The following SGCG variants were observed in gnomAD, a reference collection of about 807,000 sequenced individuals.
SGCG encodes the protein sarcoglycan gamma.
A neutral mutation model predicts 29.3 loss-of-function variants in SGCG; 26 were observed. That is an observed-to-expected ratio of 0.89 (90% CI 0.65 to 1.23). The LOEUF is 1.23. SGCG is among the 50% of genes most tolerant of loss of function. The pLI, the probability that SGCG is intolerant of heterozygous loss-of-function variation, is 0.00. For missense variants in SGCG, 353 were observed against 356.0 expected (o/e 0.99, Z 0.07); for synonymous variants, 145 against 129.7 (o/e 1.12, Z -0.80).
At chr13:23,186,245 C>G (rs566760715) in intron 1 of SGCG, among the ~76,000 whole-genome samples, 3 of 152,322 alleles carry the variant, frequency 2.0e-5, no homozygotes, top group South Asian at 4.1e-4. Flanking sequence ...GTGGTTCACA[C>G]ATGGCTGAGC....
At chr13:23,290,553 T>G (rs899029016) in intron 5 of SGCG, among the ~76,000 whole-genome samples, 2 of 152,200 alleles carry the variant, frequency 1.3e-5, no homozygotes, top group Admixed American at 6.5e-5. Context: ...GCATTTTTCA[T>G]TGGAGTAATA....
upstream of SGCG, among the ~76,000 whole-genome samples, chr13:23,179,737 C>T (rs976859384): frequency 6.6e-6 from 1 of 152,022 alleles, no homozygotes; most frequent in South Asian, 2.1e-4. Context: ...AGGCCTGCAG[C>T]TGCTGGTATG....
At chr13:23,270,035 G>C (rs898782596) in intron 4 of SGCG, among the ~76,000 whole-genome samples, 3 of 151,562 alleles carry the variant, frequency 2.0e-5, no homozygotes, top group Non-Finnish European at 2.9e-5. Flanking sequence ...CCACCATGCC[G>C]GGCTAATTTT....
intron 1 of SGCG, among the ~76,000 whole-genome samples, chr13:23,187,763 A>G (rs1452178871): frequency 1.3e-5 from 2 of 152,172 alleles, no homozygotes; most frequent in Non-Finnish European, 2.9e-5. Flanking sequence ...GGTGCATCTC[A>G]CAGAGCTCAG....
At chr13:23,258,007 A>T (rs973825392) in intron 4 of SGCG, among the ~76,000 whole-genome samples, 2 of 152,036 alleles carry the variant, frequency 1.3e-5, no homozygotes, top group African/African-American at 4.8e-5. Flanking sequence ...TTCTTTTTGC[A>T]TAGGATTGTC....
chr13:23,255,846 A>T (rs1428085394), intron 4 of SGCG, among the ~76,000 whole-genome samples: 1 of 152,218 alleles, frequency 6.6e-6, no homozygotes, highest in Non-Finnish European at 1.5e-5. Context: ...CAACACAGGA[A>T]CTTAATTTAA....
At chr13:23,269,492 C>A (rs1273471640) in intron 4 of SGCG, among the ~76,000 whole-genome samples, 3 of 152,198 alleles carry the variant, frequency 2.0e-5, no homozygotes, top group Non-Finnish European at 2.9e-5. Context: ...TGCTCACCCA[C>A]ACCCTCTCAG....
intron 1 of SGCG, among the ~76,000 whole-genome samples, chr13:23,202,765 C>T (rs1249132054): frequency 6.6e-6 from 1 of 152,044 alleles, no homozygotes; most frequent in Non-Finnish European, 1.5e-5. Context: ...ATAAGGACAA[C>T]TCCAAATCAC....
the SGCG span, among the ~76,000 whole-genome samples, chr13:23,171,322 C>G: frequency 6.6e-6 from 1 of 152,136 alleles, no homozygotes. Flanking sequence ...TTATTCCCAA[C>G]ATTAATAGGA....
the SGCG span, among the ~76,000 whole-genome samples, chr13:23,175,312 AGAGATTTTATTCTAAGCAG>A: frequency 2.0e-5 from 3 of 152,178 alleles, no homozygotes; most frequent in East Asian, 1.9e-4. Flanking sequence ...GGGGAAAAGA[AGAGATTTTATTCTAAGCAG>A]GAGATTTTAT....
At chr13:23,249,009 A>C (rs1257795077) in intron 3 of SGCG, among the ~76,000 whole-genome samples, 2 of 149,100 alleles carry the variant, frequency 1.3e-5, no homozygotes, top group South Asian at 4.5e-4. Context: ...AAAAAAAAAA[A>C]AAACAAACCT....
chr13:23,260,780 G>A (rs758147877), intron 4 of SGCG, among the ~76,000 whole-genome samples: 1 of 151,792 alleles, frequency 6.6e-6, no homozygotes, highest in Non-Finnish European at 1.5e-5. Flanking sequence ...ATCTGTACAG[G>A]ATTTTATTTC....
chr13:23,235,112 T>C (rs534920996), intron 3 of SGCG, among the ~76,000 whole-genome samples: 1 of 152,342 alleles, frequency 6.6e-6, no homozygotes, highest in Non-Finnish European at 1.5e-5. Context: ...CTCACGCCTG[T>C]AATCCCAGCA....
intron 6 of SGCG, among the ~76,000 whole-genome samples, chr13:23,310,426 C>T (rs1292047922): frequency 1.3e-5 from 2 of 152,152 alleles, no homozygotes; most frequent in East Asian, 3.9e-4. Context: ...TACCCTTTTG[C>T]CCTTATTTTG....
At chr13:23,198,715 G>C (rs794500) in intron 1 of SGCG, among the ~76,000 whole-genome samples, 1 of 151,340 alleles carries the variant, frequency 6.6e-6, no homozygotes, top group Non-Finnish European at 1.5e-5. Context: ...ATGTGGTGGC[G>C]CACACCTGTA....
At chr13:23,300,882 G>A (rs1024171167) in intron 6 of SGCG, among the ~76,000 whole-genome samples, 9 of 150,698 alleles carry the variant, frequency 6.0e-5, no homozygotes, top group South Asian at 4.2e-4. Flanking sequence ...TTGGGAGGCC[G>A]AGGCGGGCAG....
intron 6 of SGCG, 22 bp from the exon 7 acceptor site, chr13:23,320,615 G>A: frequency 2.8e-6 from 2 of 710,892 alleles, no homozygotes; most frequent in Non-Finnish European, 3.7e-6. Context: ...TTTTTTTTTT[G>A]TGCTTCTTTT....
intron 3 of SGCG, among the ~76,000 whole-genome samples, chr13:23,238,356 C>T (rs1319056504): frequency 6.6e-6 from 1 of 152,138 alleles, no homozygotes; most frequent in African/African-American, 2.4e-5. Flanking sequence ...CCCACCAAGT[C>T]TATGGATAAA....
At chr13:23,210,399 A>G (rs979883791) in intron 2 of SGCG, among the ~76,000 whole-genome samples, 3 of 152,168 alleles carry the variant, frequency 2.0e-5, no homozygotes, top group East Asian at 3.8e-4. Flanking sequence ...TTAGTATATA[A>G]TAGATTTCAC....
Sources: gnomAD v4.1 joint callset for allele counts (sites outside exome capture counted in the v4.1 genomes callset) on GRCh38, gnomAD v4.1.1 for gene constraint, MANE v1.5 for transcripts, NCBI Gene and HGNC (gene_info 2026-07-23, HGNC 2026-07-21) for gene names.